Variants in SCARA5 observed in about 807,000 individuals in gnomAD.
The protein encoded by SCARA5 is scavenger receptor class A, member 5 (putative).
Under a neutral mutation model 46.3 loss-of-function variants are expected in SCARA5, and 45 were observed. That is an observed-to-expected ratio of 0.97 (90% CI 0.76 to 1.24). The LOEUF is 1.24. Among genes scored for constraint, SCARA5 ranks in the 50% most tolerant of loss-of-function variants. The pLI, the probability that SCARA5 is intolerant of heterozygous loss-of-function variation, is 0.00. For synonymous variants in SCARA5, 333 were observed against 306.5 expected (o/e 1.09, Z -0.90); for missense variants, 680 against 689.0 (o/e 0.99, Z 0.15).
intron 3 of SCARA5, among the ~76,000 whole-genome samples, chr8:27,930,626 T>C (rs1563529953): frequency 2.6e-5 from 4 of 152,184 alleles, no homozygotes; most frequent in Admixed American, 2.0e-4. Context: ...GGTCTCGAAC[T>C]CCGGACCTCA....
At chr8:27,946,158 A>G (rs975195136) in intron 3 of SCARA5, among the ~76,000 whole-genome samples, 2 of 152,244 alleles carry the variant, frequency 1.3e-5, no homozygotes, top group Non-Finnish European at 2.9e-5. Context: ...AGCAATTAGG[A>G]ACAATTAAAT....
intron 1 of SCARA5, among the ~76,000 whole-genome samples, 185 bp from the exon 2 acceptor site, chr8:27,987,815 C>T (rs968128442): frequency 8.5e-5 from 13 of 152,216 alleles, no homozygotes; most frequent in Non-Finnish European, 1.5e-4. Context: ...TCCTTGGGGC[C>T]GTGATGCCCC....
At chr8:27,958,329 G>A (rs1808237673) in intron 3 of SCARA5, among the ~76,000 whole-genome samples, 1 of 152,246 alleles carries the variant, frequency 6.6e-6, no homozygotes, top group South Asian at 2.1e-4. Flanking sequence ...AGGTGAGACA[G>A]AGGTGCCTTC....
At chr8:27,988,910 A>C (rs1389254620) in intron 1 of SCARA5, among the ~76,000 whole-genome samples, 1 of 151,992 alleles carries the variant, frequency 6.6e-6, no homozygotes, top group Non-Finnish European at 1.5e-5. Flanking sequence ...GGCTGGGAGG[A>C]GAGGATGCAG....
At chr8:27,900,267 G>A (rs904822808) in intron 7 of SCARA5, among the ~76,000 whole-genome samples, 4 of 152,226 alleles carry the variant, frequency 2.6e-5, no homozygotes, top group African/African-American at 9.6e-5. Context: ...ACCTGGTACA[G>A]CAAAGTCTAG....
Position 27,921,844 on chromosome 8 carries a change from T to C in SCARA5, c.643A>G (p.Ile215Val). 5 of 1,535,850 alleles carry C rather than the reference T, an allele frequency of 3.3e-6. No homozygotes were observed. The highest frequency in any genetic ancestry group is 2.0e-5 in the Admixed American group (1 of 50,342). The change falls in exon 4 of 9, where the codon ATC (isoleucine) becomes GTC (valine). Residue 215 changes from isoleucine to valine, a missense_variant. Ile to Val is a conservative substitution (Grantham distance 29). This residue lies in a region of SCARA5 where 438 missense variants were observed against 384.5 expected (regional missense o/e 1.14). Transcript: ENST00000354914. Reference sequence around the variant, plus strand: ...ACGTCGGCCAGCTCCTCGCCCAGGATGCCCACCCTGCGCGCCAGCCCGTCC... The same window carrying C: ...ACGTCGGCCAGCTCCTCGCCCAGGACGCCCACCCTGCGCGCCAGCCCGTCC... ...LLDGLARRVG[I>V]LGEELADVGG...
chr8:27,988,364 A>G (rs1226495983), intron 1 of SCARA5, among the ~76,000 whole-genome samples: 1 of 152,242 alleles, frequency 6.6e-6, no homozygotes, highest in Admixed American at 6.5e-5. Flanking sequence ...GGTCTACGCC[A>G]TGATGGTCCA....
At chr8:27,916,897 A>G (rs1175109434) in intron 4 of SCARA5, among the ~76,000 whole-genome samples, 1 of 152,148 alleles carries the variant, frequency 6.6e-6, no homozygotes, top group Non-Finnish European at 1.5e-5. Context: ...TGGTATCCGG[A>G]GGCAGGGCCT....
intron 2 of SCARA5, among the ~76,000 whole-genome samples, chr8:27,972,098 C>A (rs1007873266): frequency 2.0e-5 from 3 of 152,090 alleles, no homozygotes; most frequent in African/African-American, 7.2e-5. Context: ...AGATGGATGA[C>A]CTGAGGTCAG....
At chr8:27,973,264 G>A (rs998280699) in intron 2 of SCARA5, among the ~76,000 whole-genome samples, 3 of 151,988 alleles carry the variant, frequency 2.0e-5, no homozygotes, top group Non-Finnish European at 2.9e-5. Flanking sequence ...ATCACTTGAG[G>A]TCAGGAGTTC....
rs543532595 is a variant in SCARA5, at chr8:27,921,944, C to T, written c.543G>A (p.Ala181=). Reference sequence around the variant, plus strand: ...CCTGCAGCTGGTAGAGCTCCAGCTGCGCCGTGTCGCTCTGCTGGCCCGTGC... The same window carrying T: ...CCTGCAGCTGGTAGAGCTCCAGCTGTGCCGTGTCGCTCTGCTGGCCCGTGC... The part of the protein sequence containing the change: ...RDRTGQQSDT[A]QLELYQLQVE... Residue 181 remains alanine (A), a synonymous_variant, in exon 4 of 9, where the codon GCG becomes GCA. Coordinates refer to ENST00000354914, the MANE Select transcript of SCARA5 (RefSeq NM_173833.6). 9.7e-6 allele frequency: 15 copies of T among 1,541,528 alleles called. No individual in the cohort carries two copies. The highest frequency in any genetic ancestry group is 7.2e-5 in the East Asian group (3 of 41,480).
At chr8:27,897,975 T>C (rs1408630768) in intron 7 of SCARA5, among the ~76,000 whole-genome samples, 1 of 152,264 alleles carries the variant, frequency 6.6e-6, no homozygotes, top group Non-Finnish European at 1.5e-5. Context: ...TCATTTCTCC[T>C]TGCCTAAGCA....
At chr8:27,916,541 A>G (rs1273483178) in intron 4 of SCARA5, among the ~76,000 whole-genome samples, 1 of 152,134 alleles carries the variant, frequency 6.6e-6, no homozygotes. Context: ...TAATAGAGGA[A>G]CTAGATAAAG....
intron 4 of SCARA5, among the ~76,000 whole-genome samples, chr8:27,912,250 G>A (rs2726997): frequency 0.55 from 83,536 of 151,992 alleles, 23,769 homozygotes; most frequent in Non-Finnish European, 0.63. Context: ...TAAGATCAGA[G>A]GGTGTTAATA....
intron 1 of SCARA5, among the ~76,000 whole-genome samples, chr8:27,990,108 C>T (rs1429720241): frequency 6.6e-6 from 1 of 152,216 alleles, no homozygotes; most frequent in Non-Finnish European, 1.5e-5. Flanking sequence ...TGGGACGGGG[C>T]TGGAATGCAC....
rs141478285 is a variant in SCARA5, at chr8:27,921,966, G to C, written c.521C>G (p.Thr174Arg). The part of the protein sequence containing the change: ...EQAVALLRDR[T>R]GQQSDTAQLE... The stretch of plus-strand genomic sequence containing the variant: ...CTGCGCCGTGTCGCTCTGCTGGCCC[G>C]TGCGGTCCCGCAGCAGGGCCACCGC... The change falls in exon 4 of 9, where the codon ACG becomes AGG. Residue 174 changes from threonine (T) to arginine (R), a missense_variant. By Grantham distance (71) the Thr-to-Arg change is moderately conservative. Around this residue, in one of 3 missense-constraint regions of SCARA5, gnomAD observed 438 missense variants for 384.5 expected, o/e 1.14. Coordinates refer to ENST00000354914, the MANE Select transcript of SCARA5 (RefSeq NM_173833.6). 1 of 1,542,028 alleles carries C rather than the reference G, an allele frequency of 6.5e-7. No homozygotes were observed. The highest frequency in any genetic ancestry group is 2.4e-5 in the East Asian group (1 of 41,952).
chr8:27,972,296 G>A lies in SCARA5; in HGVS notation c.113-5754C>T, dbSNP rs186696181. ...CCTGCCACTGCACTCCAGTCTGGGC[G>A]ACAAAGTGAGACTCTGTCTCAAAAA... On this transcript the variant is annotated intron_variant, in intron 2 of 8. Coordinates refer to ENST00000354914, the MANE Select transcript of SCARA5 (RefSeq NM_173833.6). Among the ~76,000 whole-genome samples the A allele has an allele frequency of 2.9e-4, 44 of 151,678 alleles. 1 individual carries two copies. In the East Asian group the frequency reaches 7.4e-3, roughly 25 times the overall value.
rs1806627382 is a variant in SCARA5, at chr8:27,870,877, A to T, written c.*1057T>A. 6.6e-6 allele frequency: 1 copy of T among 152,266 alleles called. No homozygotes were observed. The highest frequency in any genetic ancestry group is 6.5e-5 in the Admixed American group (1 of 15,280). 9.4% of individuals were successfully genotyped at this position (152,266 alleles called of 1,614,324 possible). A position where few individuals can be genotyped will look rare whatever the true frequency, so the allele number is the denominator to read the frequency against. On this transcript the variant is annotated 3_prime_UTR_variant, in exon 9 of 9. Coordinates refer to ENST00000354914, the MANE Select transcript of SCARA5 (RefSeq NM_173833.6). ...AGATGCAAAATCATCACCTCCAAAC[A>T]GCTGAGACACACATGACTTGGCTTT...
At chr8:27,936,592 T>TACAAAAAAAAAAAA (rs1807860932) in intron 3 of SCARA5, among the ~76,000 whole-genome samples, 1 of 31,314 alleles carries the variant, frequency 3.2e-5, no homozygotes, top group Non-Finnish European at 5.6e-5. Flanking sequence ...GTGTCTCCAT[T>TACAAAAAAAAAAAA]AAAAAAAAAA....
Sources: allele counts gnomAD v4.1 joint callset (sites outside exome capture counted in the v4.1 genomes callset), GRCh38; gene constraint gnomAD v4.1.1; regional missense constraint gnomAD v4.1.1; transcripts MANE v1.5; gene names NCBI Gene and HGNC (gene_info 2026-07-23, HGNC 2026-07-21).